TRIM39: variants seen among roughly 807,000 people sequenced by gnomAD.
The protein encoded by TRIM39 is tripartite motif containing 39.
Under a neutral mutation model 53.6 loss-of-function variants are expected in TRIM39, and 5 were observed. The ratio of observed to expected loss-of-function variants is 0.09; its 90% CI spans 0.05 to 0.20. The LOEUF (loss-of-function observed/expected upper bound fraction) is 0.20, where lower values mean the gene tolerates loss of function less well. TRIM39 is among the 10% of genes least tolerant of loss of function. The probability of loss-of-function intolerance (pLI) is 1.00; values close to 1 mark genes in which losing one functional copy is unlikely to be tolerated. For synonymous variants in TRIM39, 196 were observed against 237.6 expected (o/e 0.82, Z 1.61); for missense variants, 310 against 621.0 (o/e 0.50, Z 5.32).
intron 1 of TRIM39, chr6:30,327,628 C>T (rs1265754157): frequency 6.6e-6 from 1 of 152,486 alleles, no homozygotes; most frequent in African/African-American, 2.4e-5. Flanking sequence ...CCCCATTTCT[C>T]TCACCACTTC....
At position 30,339,758 on chromosome 6, in the gene TRIM39, C is replaced by T. The variant is rs144086523; in HGVS notation, c.781-150C>T. 3.9e-3 allele frequency: 4,136 copies of T among 1,059,020 alleles called. 17 individuals carry two copies. Among genetic ancestry groups the T allele is most frequent in the Non-Finnish European group, 5.1e-3 (3,652 of 712,228 alleles). The allele number at this position is 1,059,020 out of a possible 1,614,324, so 65.6% of individuals were successfully genotyped here. On this transcript the variant is annotated intron_variant, in intron 5 of 7. Transcript: ENST00000396551. The surrounding 1 kb of genome is among the most constrained non-coding windows in gnomAD (Gnocchi z 4.2). ...TAGGTTGGGAGAAGTGCATTCAGGTCCCGCTGGAGCTCTTCTTGCACTGTG... is the reference window on the plus strand; with the variant it reads ...TAGGTTGGGAGAAGTGCATTCAGGTTCCGCTGGAGCTCTTCTTGCACTGTG...
At chr6:30,334,369 T>C (rs1013460090) in intron 4 of TRIM39, among the ~76,000 whole-genome samples, 1 of 152,222 alleles carries the variant, frequency 6.6e-6, no homozygotes, top group Non-Finnish European at 1.5e-5. Context: ...TGCTGATAAT[T>C]CTCAGAAAGT....
Position 30,338,227 on chromosome 6 carries a change from C to T in TRIM39, c.781-1681C>T, listed in dbSNP as rs568199697. Among the ~76,000 whole-genome samples, 4 of 152,296 alleles carry T rather than the reference C, an allele frequency of 2.6e-5. No individual in the cohort carries two copies. The highest frequency in any genetic ancestry group is 4.4e-5 in the Non-Finnish European group (3 of 68,040). On this transcript the variant is annotated intron_variant, in intron 5 of 7. Coordinates refer to ENST00000396551, the Ensembl canonical transcript of TRIM39. This position sits in a 1 kb window ranked among gnomAD's most constrained non-coding sequence, Gnocchi z 4.0. ...ATTTTCTTCAATAACTTTTCCTTAGCATTCACAGCCTGGCTTGGTGTTTGG... is the reference window on the plus strand; with the variant it reads ...ATTTTCTTCAATAACTTTTCCTTAGTATTCACAGCCTGGCTTGGTGTTTGG...
At chr6:30,336,416 G>A (rs1786866197) in intron 5 of TRIM39, among the ~76,000 whole-genome samples, 1 of 152,222 alleles carries the variant, frequency 6.6e-6, no homozygotes, top group Non-Finnish European at 1.5e-5. Context: ...CTTCAATAAA[G>A]CGAGTATCTT....
chr6:30,329,794 C>T (rs773193811), intron 3 of TRIM39, 24 bp downstream of exon 3: 2 of 1,600,950 alleles, frequency 1.2e-6, no homozygotes, highest in Non-Finnish European at 1.7e-6. Context: ...CACACGATGT[C>T]AGTGTGGGTA....
chr6:30,329,570 G>C, exon 3 of TRIM39: 1 of 1,613,134 alleles, frequency 6.2e-7, no homozygotes, highest in Non-Finnish European at 8.5e-7. Flanking sequence ...TCGGCAACTA[G>C]GCAGTATGGT....
At position 30,335,703 on chromosome 6, in the gene TRIM39, C is replaced by T. The variant is rs772415111; in HGVS notation, c.550-42C>T. The stretch of plus-strand genomic sequence containing the variant: ...GGGTGAGAGAAAGGCTTCCTTATAC[C>T]ACACTGACCCTGCTGATACAACATC... On this transcript the variant is annotated intron_variant, in intron 4 of 7. Coordinates refer to ENST00000396551, the Ensembl canonical transcript of TRIM39. This position sits in a 1 kb window ranked among gnomAD's most constrained non-coding sequence, Gnocchi z 4.7. The T allele has an allele frequency of 3.1e-6, 5 of 1,596,186 alleles. No individual in the cohort carries two copies. The Admixed American group carries it at 7.0e-5, about 22-fold the overall frequency.
At chr6:30,336,705 G>A (rs1381540229) in intron 5 of TRIM39, among the ~76,000 whole-genome samples, 1 of 152,164 alleles carries the variant, frequency 6.6e-6, no homozygotes, top group Non-Finnish European at 1.5e-5. Flanking sequence ...CTTACAACAT[G>A]GGAGTCTTGA....
At chr6:30,331,373 A>G (rs1786155192) in intron 4 of TRIM39, among the ~76,000 whole-genome samples, 1 of 152,236 alleles carries the variant, frequency 6.6e-6, no homozygotes, top group Non-Finnish European at 1.5e-5. Flanking sequence ...TACTTAAATT[A>G]CTTGTCATGA....
At chr6:30,336,085 C>A in intron 5 of TRIM39, 110 bp downstream of exon 5, 1 of 1,479,564 alleles carries the variant, frequency 6.8e-7, no homozygotes, top group Non-Finnish European at 9.2e-7. Context: ...TTCTCTAAAT[C>A]CAGTTCTTTC....
intron 5 of TRIM39, 172 bp downstream of exon 5, chr6:30,336,147 C>T: frequency 1.1e-6 from 1 of 940,950 alleles, no homozygotes; most frequent in Admixed American, 2.0e-5. Flanking sequence ...TTCTCCCATC[C>T]CCTTCTAACC....
At chr6:30,340,602 A>G in exon 7 of TRIM39, 1 of 1,612,288 alleles carries the variant, frequency 6.2e-7, no homozygotes, top group Non-Finnish European at 8.5e-7. Context: ...CCTAAGGAAA[A>G]TCCTTAAACA....
intron 7 of TRIM39, among the ~76,000 whole-genome samples, chr6:30,340,911 T>G (rs1269656522): frequency 2.0e-5 from 3 of 152,156 alleles, no homozygotes; most frequent in African/African-American, 7.2e-5. Flanking sequence ...CATGTAAACT[T>G]GCATAACCTT....
chr6:30,342,040 T>C lies in TRIM39; in HGVS notation c.1248T>C (p.Phe416=). The stretch of plus-strand genomic sequence containing the variant: ...AATATGCAGCCACCACCACACCTTT[T>C]ACCCCTTTGCACATCAAGGTGAAAC... Residue 416 remains phenylalanine (F), a synonymous_variant, in exon 8 of 8, where the codon TTT becomes TTC. Coordinates refer to ENST00000396551, the Ensembl canonical transcript of TRIM39. This position sits in a 1 kb window ranked among gnomAD's most constrained non-coding sequence, Gnocchi z 4.7. The C allele has an allele frequency of 6.2e-7, 1 of 1,613,054 alleles. No homozygotes were observed. The highest frequency in any genetic ancestry group is 8.5e-7 in the Non-Finnish European group (1 of 1,180,024).
intron 3 of TRIM39, 34 bp downstream of exon 3, chr6:30,329,804 A>G (rs1297950735): frequency 1.9e-6 from 3 of 1,593,104 alleles, no homozygotes; most frequent in African/African-American, 1.3e-5. Context: ...CAGTGTGGGT[A>G]AAAAGGGAGA....
chr6:30,331,372 T>A (rs1786154722), intron 4 of TRIM39, among the ~76,000 whole-genome samples: 1 of 152,184 alleles, frequency 6.6e-6, no homozygotes, highest in Admixed American at 6.5e-5. Context: ...GTACTTAAAT[T>A]ACTTGTCATG....
intron 7 of TRIM39, 157 bp from the exon 8 acceptor site, chr6:30,341,555 C>G: frequency 9.0e-7 from 1 of 1,116,974 alleles, no homozygotes; most frequent in Non-Finnish European, 1.3e-6. Flanking sequence ...TCTCCCCTTC[C>G]TTAGGTGACA....
At chr6:30,336,449 G>C (rs1286659606) in intron 5 of TRIM39, among the ~76,000 whole-genome samples, 1 of 152,204 alleles carries the variant, frequency 6.6e-6, no homozygotes. Flanking sequence ...CACATTAATT[G>C]TTGGGTTTCC....
chr6:30,335,628 TA>T lies in TRIM39; in HGVS notation c.550-114del. The T allele has an allele frequency of 7.3e-7, 1 of 1,370,918 alleles. No homozygotes were observed. Among genetic ancestry groups the T allele is most frequent in the Admixed American group, 2.5e-5 (1 of 39,238 alleles). 84.9% of individuals were successfully genotyped at this position (1,370,918 alleles called of 1,614,324 possible). ...ATGTGTCACCACACCCAGCCTTTGT[TA>T]AACCATTTTCAATGAAACTGGAAGT... is the stretch of plus-strand genomic sequence containing the variant. On this transcript the variant is annotated intron_variant, in intron 4 of 7. Coordinates refer to ENST00000396551, the Ensembl canonical transcript of TRIM39. The surrounding 1 kb of genome is among the most constrained non-coding windows in gnomAD (Gnocchi z 4.7).
Sources: gnomAD v4.1 joint callset for allele counts (sites outside exome capture counted in the v4.1 genomes callset) on GRCh38, gnomAD v4.1.1 for gene constraint, Gnocchi (gnomAD v3.1) non-coding constraint, MANE v1.5 for transcripts, NCBI Gene and HGNC (gene_info 2026-07-23, HGNC 2026-07-21) for gene names.